ZNF652: variants seen among roughly 807,000 people sequenced by gnomAD.
The protein encoded by ZNF652 is zinc finger protein 652.
ZNF652 carries 16 observed loss-of-function variants against 45.2 expected under a neutral mutation model. That is an observed-to-expected ratio of 0.35 (90% CI 0.24 to 0.54). The LOEUF (loss-of-function observed/expected upper bound fraction) is 0.54, where lower values mean the gene tolerates loss of function less well. ZNF652 is among the 20% of genes least tolerant of loss of function. The pLI, the probability that ZNF652 is intolerant of heterozygous loss-of-function variation, is 0.91. For synonymous variants in ZNF652, 250 were observed against 260.6 expected (o/e 0.96, Z 0.39); for missense variants, 614 against 765.6 (o/e 0.80, Z 2.34).
rs2069405670 is a variant in ZNF652, at chr17:49,291,626, C to T, written c.*6787G>A. On this transcript the variant is annotated 3_prime_UTR_variant, in exon 6 of 6. Transcript: ENST00000430262. ...TACTGAAGACATACAAGACAGCAGG[C>T]TGTCTCAAGGATGTGGTTCCTCCAA... is the stretch of plus-strand genomic sequence containing the variant. The T allele has an allele frequency of 6.6e-6, 1 of 152,186 alleles. No individual in the cohort carries two copies. The highest frequency in any genetic ancestry group is 2.4e-5 in the African/African-American group (1 of 41,456). The allele number at this position is 152,186 out of a possible 1,614,324, so 9.4% of individuals were successfully genotyped here. A position where few individuals can be genotyped will look rare whatever the true frequency, so the allele number is the denominator to read the frequency against.
chr17:49,321,943 A>G (rs147708967), intron 1 of ZNF652, among the ~76,000 whole-genome samples: 126 of 152,336 alleles, frequency 8.3e-4, no homozygotes, highest in African/African-American at 2.7e-3. Flanking sequence ...TCAGAAAATA[A>G]TGATCAGTTT....
At chr17:49,351,038 C>T (rs1323993715) in intron 1 of ZNF652, among the ~76,000 whole-genome samples, 9 of 127,712 alleles carry the variant, frequency 7.0e-5, no homozygotes, top group African/African-American at 9.5e-5. Flanking sequence ...CACACACACA[C>T]ACACACACAC....
At chr17:49,340,908 A>G (rs1346891734) in intron 1 of ZNF652, among the ~76,000 whole-genome samples, 1 of 152,134 alleles carries the variant, frequency 6.6e-6, no homozygotes, top group Non-Finnish European at 1.5e-5. Context: ...CCACAACAAC[A>G]AAATTATATA....
chr17:49,298,943 TA>T lies in ZNF652; in HGVS notation c.1310-20del. 6.3e-7 allele frequency: 1 copy of T among 1,585,804 alleles called. No individual in the cohort carries two copies. The highest frequency in any genetic ancestry group is 1.1e-5 in the South Asian group (1 of 88,632). On this transcript the variant is annotated intron_variant, in intron 5 of 5. Transcript: ENST00000430262. Reference sequence around the variant, plus strand: ...TTCTCTCCTGAGATGAACACAGACATAAAAATGATTAACATATTAGGTGGTA... The same window carrying T: ...TTCTCTCCTGAGATGAACACAGACATAAAATGATTAACATATTAGGTGGTA...
intron 1 of ZNF652, among the ~76,000 whole-genome samples, chr17:49,332,644 T>A (rs985102595): frequency 3.3e-5 from 5 of 152,154 alleles, no homozygotes; most frequent in African/African-American, 1.2e-4. Context: ...TTCCTTGTGA[T>A]ATATATTTAA....
At position 49,292,084 on chromosome 17, in the gene ZNF652, A is replaced by G. The variant is rs2069411446; in HGVS notation, c.*6329T>C. Among the ~76,000 whole-genome samples, 1 of 152,200 alleles carries G rather than the reference A, an allele frequency of 6.6e-6. No individual in the cohort carries two copies. The highest frequency in any genetic ancestry group is 6.5e-5 in the Admixed American group (1 of 15,276). On this transcript the variant is annotated 3_prime_UTR_variant, in exon 6 of 6. Coordinates refer to ENST00000430262, the MANE Select transcript of ZNF652 (RefSeq NM_001145365.3). The stretch of plus-strand genomic sequence containing the variant: ...TATTAGTCTTAAAAACCTGAGTACT[A>G]TTAACTTTAAGGAAAAGGACATGAG...
chr17:49,321,422 C>CTTTT (rs11350404), intron 1 of ZNF652, among the ~76,000 whole-genome samples: 37 of 73,252 alleles, frequency 5.1e-4, no homozygotes, highest in Non-Finnish European at 6.1e-4. Context: ...CACCACCACG[C>CTTTT]TTTTTTTTTT....
Position 49,317,806 on chromosome 17 carries a change from T to C in ZNF652, c.-81A>G. ...CAAGGTAATTATTAAGACTCAAATC[T>C]TTTCTCATCCACAAAGAATCACTCA... is the stretch of plus-strand genomic sequence containing the variant. On this transcript the variant is annotated 5_prime_UTR_variant, in exon 2 of 6. Coordinates refer to ENST00000430262, the MANE Select transcript of ZNF652 (RefSeq NM_001145365.3). 7.5e-7 allele frequency: 1 copy of C among 1,341,934 alleles called. No individual in the cohort carries two copies. Among genetic ancestry groups the C allele is most frequent in the African/African-American group, 1.5e-5 (1 of 68,204 alleles). The allele number at this position is 1,341,934 out of a possible 1,614,324, so 83.1% of individuals were successfully genotyped here.
chr17:49,311,214 G>T, intron 5 of ZNF652, 98 bp downstream of exon 5: 1 of 1,295,482 alleles, frequency 7.7e-7, no homozygotes, highest in Admixed American at 2.3e-5. Context: ...TGCTTTGAAT[G>T]CAAATTTGTG....
At position 49,354,946 on chromosome 17, in the gene ZNF652, G is replaced by A. The variant is rs569698781; in HGVS notation, c.-259+6963C>T. 3.6e-3 allele frequency among the ~76,000 whole-genome samples: 541 copies of A among 152,026 alleles called. 5 individuals carry two copies. The highest frequency in any genetic ancestry group is 6.3e-3 in the Non-Finnish European group (430 of 67,988). On this transcript the variant is annotated intron_variant, in intron 1 of 5. Coordinates refer to ENST00000430262, the MANE Select transcript of ZNF652 (RefSeq NM_001145365.3). ...TCTCCATGTTGGCCAGGCTGGTCTC[G>A]AACTTCTGACTTCAAGTGATCTGCC... is the stretch of plus-strand genomic sequence containing the variant.
At chr17:49,310,524 T>G (rs1195659017) in intron 5 of ZNF652, among the ~76,000 whole-genome samples, 1 of 152,116 alleles carries the variant, frequency 6.6e-6, no homozygotes, top group African/African-American at 2.4e-5. Flanking sequence ...CACAAAGTGG[T>G]TAAAATATTA....
At position 49,317,604 on chromosome 17, in the gene ZNF652, T is replaced by C; in HGVS notation, c.122A>G (p.Asn41Ser). ...QVPSSFYHGA[N>S]QELDLSTKVY... Reference sequence around the variant, plus strand: ...TTTGGTGGACAGGTCAAGTTCTTGGTTGGCACCATGATAAAAGGAAGATGG... The same window carrying C: ...TTTGGTGGACAGGTCAAGTTCTTGGCTGGCACCATGATAAAAGGAAGATGG... The change falls in exon 2 of 6, where the codon AAC becomes AGC. Residue 41 changes from asparagine (N) to serine (S), a missense_variant. Asn to Ser is a conservative substitution (Grantham distance 46). Coordinates refer to ENST00000430262, the MANE Select transcript of ZNF652 (RefSeq NM_001145365.3). 1 of 1,614,156 alleles carries C rather than the reference T, an allele frequency of 6.2e-7. No homozygotes were observed. The highest frequency in any genetic ancestry group is 1.1e-5 in the South Asian group (1 of 91,086).
intron 5 of ZNF652, 121 bp downstream of exon 5, chr17:49,311,191 A>T: frequency 9.6e-7 from 1 of 1,041,044 alleles, no homozygotes; most frequent in Non-Finnish European, 1.4e-6. Context: ...AGGTTTATTT[A>T]AAGTGGGATT....
At chr17:49,351,004 T>C (rs1300562738) in intron 1 of ZNF652, among the ~76,000 whole-genome samples, 1 of 21,094 alleles carries the variant, frequency 4.7e-5, no homozygotes, top group Non-Finnish European at 9.3e-5. Flanking sequence ...TATATATATA[T>C]ATATATATAT....
rs2143687006 is a variant in ZNF652 at position 49,296,586 on chromosome 17, C to T, written c.*1827G>A. On this transcript the variant is annotated 3_prime_UTR_variant, in exon 6 of 6. Coordinates refer to ENST00000430262, the MANE Select transcript of ZNF652 (RefSeq NM_001145365.3). ...AGAAATTTCAAGATTAAAAAATGGA[C>T]TGGGCATGGTAGCATGCACCTGTAG... 6.6e-6 allele frequency: 1 copy of T among 152,346 alleles called. No individual in the cohort carries two copies. The highest frequency in any genetic ancestry group is 2.4e-5 in the African/African-American group (1 of 41,552). The allele number at this position is 152,346 out of a possible 1,614,324, so 9.4% of individuals were successfully genotyped here. A position where few individuals can be genotyped will look rare whatever the true frequency, so the allele number is the denominator to read the frequency against.
intron 5 of ZNF652, 85 bp from the exon 6 acceptor site, chr17:49,299,009 TCTCA>T (rs1311649566): frequency 2.2e-6 from 3 of 1,372,696 alleles, no homozygotes; most frequent in African/African-American, 2.9e-5. Flanking sequence ...AGAAATGGGG[TCTCA>T]CTATGTTGAT....
rs146950381 is a variant in ZNF652, at chr17:49,341,463, G to A, written c.-259+20446C>T. ...AGCCTCGGAGTTTTAGACCAGCCTA[G>A]GCAACATAGTACGACCTCATCTCTA... On this transcript the variant is annotated intron_variant, in intron 1 of 5. Transcript: ENST00000430262. 5.3e-3 allele frequency among the ~76,000 whole-genome samples: 666 copies of A among 126,228 alleles called. 5 individuals carry two copies. Among genetic ancestry groups the A allele is most frequent in the African/African-American group, 0.017 (580 of 33,170 alleles). 82.8% of individuals were successfully genotyped at this position (126,228 alleles called of 152,430 possible).
In ZNF652 at chr17:49,337,261, G is replaced by A. The variant is rs1310343419; in HGVS notation, c.-258-19278C>T. 4.7e-5 allele frequency among the ~76,000 whole-genome samples: 7 copies of A among 149,828 alleles called. No individual in the cohort carries two copies. In the East Asian group the frequency reaches 5.9e-4, roughly 13 times the overall value. ...TGAGGTGGGAGGATCACTCGAGCCCGAGAGTTCCAGGCTATAGTAAGCTAT... is the reference window on the plus strand; with the variant it reads ...TGAGGTGGGAGGATCACTCGAGCCCAAGAGTTCCAGGCTATAGTAAGCTAT... On this transcript the variant is annotated intron_variant, in intron 1 of 5. Coordinates refer to ENST00000430262, the MANE Select transcript of ZNF652 (RefSeq NM_001145365.3).
chr17:49,355,694 T>C (rs2143129962), intron 1 of ZNF652, among the ~76,000 whole-genome samples: 1 of 152,010 alleles, frequency 6.6e-6, no homozygotes, highest in African/African-American at 2.4e-5. Flanking sequence ...GGTCAGGAGT[T>C]CAAGACCAGC....
Sources: gnomAD v4.1 joint callset for allele counts (sites outside exome capture counted in the v4.1 genomes callset) on GRCh38, gnomAD v4.1.1 for gene constraint, MANE v1.5 for transcripts, NCBI Gene and HGNC (gene_info 2026-07-23, HGNC 2026-07-21) for gene names.